FAM184A: variants seen among roughly 807,000 people sequenced by gnomAD.
FAM184A encodes the protein family with sequence similarity 184 member A, also known as protein FAM184A.
FAM184A carries 99 observed loss-of-function variants against 143.8 expected under a neutral mutation model. The ratio of observed to expected loss-of-function variants is 0.69; its 90% CI spans 0.58 to 0.81. FAM184A has a LOEUF of 0.81. Ranked by LOEUF, FAM184A falls within the 40% of genes least tolerant of loss-of-function variation. The pLI, the probability that FAM184A is intolerant of heterozygous loss-of-function variation, is 0.00. For missense variants in FAM184A, 1,217 were observed against 1,310.5 expected (o/e 0.93, Z 1.10); for synonymous variants, 427 against 446.4 (o/e 0.96, Z 0.55).
chr6:119,098,826 T>C (rs2114831063), intron 1 of FAM184A, among the ~76,000 whole-genome samples: 1 of 152,280 alleles, frequency 6.6e-6, no homozygotes, highest in East Asian at 1.9e-4. Context: ...CTCAGGTACA[T>C]GTGTTAAGAT....
chr6:119,069,486 G>C (rs140384899), intron 1 of FAM184A, among the ~76,000 whole-genome samples: 2 of 152,160 alleles, frequency 1.3e-5, no homozygotes, highest in Non-Finnish European at 2.9e-5. Flanking sequence ...ACATTCGCCA[G>C]AATAAACAAA....
At chr6:118,974,916 T>C (rs937252475) in intron 13 of FAM184A, 108 bp downstream of exon 13, 6 of 812,372 alleles carry the variant, frequency 7.4e-6, no homozygotes, top group African/African-American at 1.7e-5. Context: ...CTTCAATATT[T>C]TACTAGAGAG....
intron 5 of FAM184A, 21 bp from the exon 6 acceptor site, chr6:119,011,452 AAAAATTAACAAAATTGCAAGTATTATAT>A: frequency 7.2e-7 from 1 of 1,383,752 alleles, no homozygotes; most frequent in Non-Finnish European, 9.9e-7. Flanking sequence ...GAAATTTTTT[AAAAATTAACAAAATTGCAAGTATTATAT>A]ACTTTGAAGA....
At chr6:119,148,174 C>T (rs1315296218) in intron 1 of FAM184A, among the ~76,000 whole-genome samples, 1 of 152,050 alleles carries the variant, frequency 6.6e-6, no homozygotes, top group Non-Finnish European at 1.5e-5. Flanking sequence ...GGAAGAAGAT[C>T]GTGGCCAGGA....
intron 1 of FAM184A, among the ~76,000 whole-genome samples, chr6:119,057,380 T>C (rs999319805): frequency 6.6e-6 from 1 of 152,202 alleles, no homozygotes; most frequent in African/African-American, 2.4e-5. Flanking sequence ...AAGAATTCCT[T>C]TGTTTGACTA....
chr6:119,078,023 G>C lies in FAM184A; in HGVS notation c.159+118C>G. 1 of 1,207,012 alleles carries C rather than the reference G, an allele frequency of 8.3e-7. No homozygotes were observed. Among genetic ancestry groups the C allele is most frequent in the Non-Finnish European group, 1.1e-6 (1 of 889,154 alleles). 74.8% of individuals were successfully genotyped at this position (1,207,012 alleles called of 1,614,324 possible). ...TGGAGGTGTCTCCGGCTGTTGCTTC[G>C]GCGGAGGAGTAGAGTTCCCCTCGCT... is the stretch of plus-strand genomic sequence containing the variant. On this transcript the variant is annotated intron_variant, in intron 1 of 17. Transcript: ENST00000338891. This position sits in a 1 kb window ranked among gnomAD's most constrained non-coding sequence, Gnocchi z 5.5.
In FAM184A at chr6:118,979,368, G is replaced by A. The variant is rs761439066; in HGVS notation, c.2452C>T (p.Leu818Phe). 1.2e-6 allele frequency: 2 copies of A among 1,607,046 alleles called. No homozygotes were observed. Among genetic ancestry groups the A allele is most frequent in the Non-Finnish European group, 1.7e-6 (2 of 1,177,750 alleles). The change falls in exon 11 of 18, where the codon CTT becomes TTT. Residue 818 changes from leucine to phenylalanine, a missense_variant. Coordinates refer to ENST00000338891, the MANE Select transcript of FAM184A (RefSeq NM_024581.6). ...GATTGTAATCTTTTCAAAATACCAAGCATAGCCTTTCCTTCATCTTCTAAT... is the reference window on the plus strand; with the variant it reads ...GATTGTAATCTTTTCAAAATACCAAACATAGCCTTTCCTTCATCTTCTAAT... ...FELEDEGKAM[L>F]ASLRSELNHQ...
At position 119,054,971 on chromosome 6, in the gene FAM184A, A is replaced by C. The variant is rs1052503100; in HGVS notation, c.159+23170T>G. Among the ~76,000 whole-genome samples, 3 of 152,266 alleles carry C rather than the reference A, an allele frequency of 2.0e-5. No homozygotes were observed. In the South Asian group the frequency reaches 6.2e-4, roughly 32 times the overall value. ...TCTAAGCACATTGACAAAGTTGTAC[A>C]ACCATCACCACTACCAAATTCCATA... On this transcript the variant is annotated intron_variant, in intron 1 of 17. Coordinates refer to ENST00000338891, the MANE Select transcript of FAM184A (RefSeq NM_024581.6).
chr6:119,109,550 A>G (rs1050777454), intron 1 of FAM184A, among the ~76,000 whole-genome samples: 2 of 152,216 alleles, frequency 1.3e-5, no homozygotes, highest in Non-Finnish European at 2.9e-5. Context: ...TTAGCTATGT[A>G]TACAGAGCAC....
At chr6:119,102,803 A>AAAAAAAAAAAAAAAAAAAAAAAAAAG (rs1562151169) in intron 1 of FAM184A, among the ~76,000 whole-genome samples, 1 of 142,586 alleles carries the variant, frequency 7.0e-6, no homozygotes. Context: ...AAAAAAAAAA[A>AAAAAAAAAAAAAAAAAAAAAAAAAAG]AAAAGAAAAG....
At chr6:119,127,230 T>G (rs1789393444) in intron 1 of FAM184A, among the ~76,000 whole-genome samples, 1 of 152,224 alleles carries the variant, frequency 6.6e-6, no homozygotes. Context: ...CACCCTTATC[T>G]TAAGGTCAAC....
At position 118,966,860 on chromosome 6, in the gene FAM184A, C is replaced by G; in HGVS notation, c.3008G>C (p.Arg1003Thr). 2 of 1,589,292 alleles carry G rather than the reference C, an allele frequency of 1.3e-6. No individual in the cohort carries two copies. The highest frequency in any genetic ancestry group is 1.7e-4 in the Middle Eastern group (1 of 5,986). Reference protein sequence around the residue: ...ITELKAMLTERDQIIKKLIED... With the variant: ...ITELKAMLTETDQIIKKLIED... ...AATTAGTTTCTTTATGATCTGGTCT[C>G]TTTCTGTAAGCATGGCTTTTAATTC... Residue 1003 changes from arginine to threonine, a missense_variant, in exon 15 of 18, where the codon AGA becomes ACA. Arg to Thr is a moderately conservative substitution (Grantham distance 71, BLOSUM62 -1). Transcript: ENST00000338891.
chr6:119,056,951 G>C (rs1219853161), intron 1 of FAM184A, among the ~76,000 whole-genome samples: 1 of 152,166 alleles, frequency 6.6e-6, no homozygotes, highest in African/African-American at 2.4e-5. Context: ...TAATCATATT[G>C]AGAAATTTAT....
At chr6:119,064,879 G>T (rs55810806) in intron 1 of FAM184A, among the ~76,000 whole-genome samples, 6,382 of 152,160 alleles carry the variant, frequency 0.042, 235 homozygotes, top group East Asian at 0.2. Context: ...AACTACACAT[G>T]ATTTTAATTA....
intron 9 of FAM184A, among the ~76,000 whole-genome samples, chr6:119,000,031 C>T (rs1178099903): frequency 2.0e-5 from 3 of 152,170 alleles, no homozygotes; most frequent in Non-Finnish European, 4.4e-5. Context: ...GACTTTGTCT[C>T]AAAGTTCACA....
At chr6:119,148,073 T>C (rs1417571215) in intron 1 of FAM184A, among the ~76,000 whole-genome samples, 1 of 152,212 alleles carries the variant, frequency 6.6e-6, no homozygotes, top group South Asian at 2.1e-4. Context: ...ATAACCTGCT[T>C]ACTGTCAACC....
At chr6:118,965,067 G>A (rs1356928806) in intron 15 of FAM184A, among the ~76,000 whole-genome samples, 1 of 152,144 alleles carries the variant, frequency 6.6e-6, no homozygotes, top group Non-Finnish European at 1.5e-5. Flanking sequence ...GTTTGGGCAG[G>A]TTTACAACTT....
chr6:119,000,895 T>C (rs939690436), intron 9 of FAM184A, among the ~76,000 whole-genome samples: 12 of 150,098 alleles, frequency 8.0e-5, no homozygotes, highest in African/African-American at 2.9e-4. Context: ...CCAGTAGGAG[T>C]GAAGGCAGTG....
At chr6:119,090,368 G>T (rs1582606830) in intron 1 of FAM184A, among the ~76,000 whole-genome samples, 1 of 152,294 alleles carries the variant, frequency 6.6e-6, no homozygotes, top group Non-Finnish European at 1.5e-5. Flanking sequence ...TGTGTGTCTG[G>T]TTATTCAATG....
Sources: allele counts gnomAD v4.1 joint callset (sites outside exome capture counted in the v4.1 genomes callset), GRCh38; gene constraint gnomAD v4.1.1; non-coding constraint Gnocchi (gnomAD v3.1); transcripts MANE v1.5; gene names NCBI Gene and HGNC (gene_info 2026-07-23, HGNC 2026-07-21).